LRRC1: variants seen among roughly 807,000 people sequenced by gnomAD.
The protein encoded by LRRC1 is leucine-rich repeat-containing protein 1.
Under a neutral mutation model 69.9 loss-of-function variants are expected in LRRC1, and 28 were observed. The observed-to-expected ratio is 0.40, with a 90% CI of 0.30 to 0.55. The LOEUF (loss-of-function observed/expected upper bound fraction) is 0.55, where lower values mean the gene tolerates loss of function less well. Ranked by LOEUF, LRRC1 falls within the 20% of genes least tolerant of loss-of-function variation. LRRC1 has a pLI of 0.47. For missense variants in LRRC1, 498 were observed against 609.0 expected (o/e 0.82, Z 1.92); for synonymous variants, 236 against 240.2 (o/e 0.98, Z 0.16).
chr6:53,900,202 T>C (rs1469355965), intron 8 of LRRC1, among the ~76,000 whole-genome samples: 1 of 151,556 alleles, frequency 6.6e-6, no homozygotes, highest in Non-Finnish European at 1.5e-5. Flanking sequence ...CACGCCCGGG[T>C]AATTTTTTGT....
intron 1 of LRRC1, among the ~76,000 whole-genome samples, chr6:53,826,573 T>A (rs1193160327): frequency 6.6e-6 from 1 of 152,174 alleles, no homozygotes; most frequent in African/African-American, 2.4e-5. Context: ...TTTACTCAAC[T>A]CAGAGCAACT....
intron 1 of LRRC1, among the ~76,000 whole-genome samples, chr6:53,837,188 A>G (rs1401065271): frequency 9.8e-6 from 1 of 102,380 alleles, no homozygotes; most frequent in Non-Finnish European, 2.2e-5. Flanking sequence ...ATTTTTATAT[A>G]TATATTCTGG....
intron 2 of LRRC1, among the ~76,000 whole-genome samples, chr6:53,859,292 A>G (rs1027876024): frequency 6.6e-6 from 1 of 152,298 alleles, no homozygotes; most frequent in South Asian, 2.1e-4. Context: ...TGTTTCTCCC[A>G]AGTGGGCTCT....
At chr6:53,856,834 G>C (rs1394596620) in intron 2 of LRRC1, among the ~76,000 whole-genome samples, 2 of 152,174 alleles carry the variant, frequency 1.3e-5, no homozygotes, top group Non-Finnish European at 2.9e-5. Flanking sequence ...TGGGAGGCCA[G>C]GCATCTATGT....
Position 53,902,679 on chromosome 6 carries a change from C to G in LRRC1, c.838C>G (p.Gln280Glu), listed in dbSNP as rs79785688. ...ILKVDQNRLT[Q>E]LPEAVGECES... ...GAAGGTGGATCAGAATAGACTCACACAGTTGCCTGAAGCAGTTGGGGAATG... is the reference window on the plus strand; with the variant it reads ...GAAGGTGGATCAGAATAGACTCACAGAGTTGCCTGAAGCAGTTGGGGAATG... Residue 280 changes from glutamine to glutamate, a missense_variant, in exon 9 of 14, where the codon CAG becomes GAG. By Grantham distance (29) the Gln-to-Glu change is conservative. This residue lies in a region of LRRC1 where 266 missense variants were observed against 383.9 expected (regional missense o/e 0.69). Coordinates refer to ENST00000370888, the MANE Select transcript of LRRC1 (RefSeq NM_018214.5). The G allele has an allele frequency of 2.2e-4, 347 of 1,613,496 alleles. 2 individuals carry two copies. The East Asian group carries it at 7.7e-3, about 36-fold the overall frequency.
chr6:53,919,265 T>C (rs916693615), intron 11 of LRRC1: 8 of 163,678 alleles, frequency 4.9e-5, no homozygotes, highest in Admixed American at 8.7e-5. Context: ...TGCTCTGTAA[T>C]CTGGAGGTTC....
chr6:53,918,656 C>T (rs1461528270), intron 11 of LRRC1, among the ~76,000 whole-genome samples: 1 of 152,122 alleles, frequency 6.6e-6, no homozygotes, highest in Admixed American at 6.5e-5. Context: ...AAGTAGATTT[C>T]CTGCTAATGT....
rs937049128 is a variant in LRRC1 at position 53,795,096 on chromosome 6, A to G, written c.-161A>G. The G allele has an allele frequency of 9.7e-6, 6 of 620,304 alleles. No individual in the cohort carries two copies. The highest frequency in any genetic ancestry group is 3.1e-5 in the East Asian group (1 of 31,794). 38.4% of individuals were successfully genotyped at this position (620,304 alleles called of 1,614,324 possible). On this transcript the variant is annotated 5_prime_UTR_variant, in exon 1 of 14. Transcript: ENST00000370888. ...GGGGCTCCCGCTCCAGGTTCCTTGA[A>G]GCACTTCCGACCGCGAAGCCCGGCG... is the stretch of plus-strand genomic sequence containing the variant.
intron 3 of LRRC1, among the ~76,000 whole-genome samples, chr6:53,882,408 C>G (rs1767322909): frequency 6.6e-6 from 1 of 152,124 alleles, no homozygotes; most frequent in African/African-American, 2.4e-5. Flanking sequence ...ATAGCTTTCC[C>G]CTGGGTATTA....
intron 2 of LRRC1, among the ~76,000 whole-genome samples, chr6:53,874,833 A>G (rs1292547592): frequency 6.6e-6 from 1 of 152,214 alleles, no homozygotes; most frequent in Non-Finnish European, 1.5e-5. Flanking sequence ...AACCTTTTAA[A>G]GGCCTAAAAG....
intron 1 of LRRC1, among the ~76,000 whole-genome samples, chr6:53,820,749 C>G (rs1262686228): frequency 1.3e-5 from 2 of 151,802 alleles, no homozygotes; most frequent in Admixed American, 6.6e-5. Flanking sequence ...TATAGAAGTC[C>G]CTTAGAAAAG....
At position 53,867,972 on chromosome 6, in the gene LRRC1, T is replaced by A. The variant is rs893672907; in HGVS notation, c.278-11021T>A. ...TGTCTTACCAAAAAAAAAAAAAAAATTTTTTTGTTTCACCTTATGTAAAAG... is the reference window on the plus strand; with the variant it reads ...TGTCTTACCAAAAAAAAAAAAAAAAATTTTTTGTTTCACCTTATGTAAAAG... On this transcript the variant is annotated intron_variant, in intron 2 of 13. Coordinates refer to ENST00000370888, the MANE Select transcript of LRRC1 (RefSeq NM_018214.5). Among the ~76,000 whole-genome samples the A allele has an allele frequency of 2.6e-3, 379 of 146,694 alleles. 1 individual carries two copies. The highest frequency in any genetic ancestry group is 6.1e-3 in the African/African-American group (247 of 40,200).
chr6:53,913,544 T>C (rs1273487965), intron 10 of LRRC1, among the ~76,000 whole-genome samples: 2 of 152,236 alleles, frequency 1.3e-5, no homozygotes, highest in Non-Finnish European at 2.9e-5. Context: ...ATTTAACAGA[T>C]GCAGTTGCGT....
intron 2 of LRRC1, among the ~76,000 whole-genome samples, chr6:53,860,448 C>G (rs1320507621): frequency 9.2e-5 from 14 of 152,140 alleles, no homozygotes; most frequent in Admixed American, 9.2e-4. Flanking sequence ...AGCTCTTAAG[C>G]TCTTTACAGT....
rs192721928 is a variant in LRRC1, at chr6:53,809,223, T to A, written c.159+13808T>A. Among the ~76,000 whole-genome samples the A allele has an allele frequency of 3.4e-3, 523 of 152,342 alleles. 1 individual carries two copies. Among genetic ancestry groups the A allele is most frequent in the Non-Finnish European group, 6.0e-3 (405 of 68,034 alleles). ...AAATCATTAGTCTTGACTGTAAAGG[T>A]CAGTATTATAAAGAGGCTCTAATGT... is the stretch of plus-strand genomic sequence containing the variant. On this transcript the variant is annotated intron_variant, in intron 1 of 13. Coordinates refer to ENST00000370888, the MANE Select transcript of LRRC1 (RefSeq NM_018214.5).
chr6:53,910,162 C>T (rs576529890), intron 10 of LRRC1, among the ~76,000 whole-genome samples: 1 of 152,268 alleles, frequency 6.6e-6, no homozygotes, highest in East Asian at 1.9e-4. Flanking sequence ...CACAAAATGG[C>T]TGGACAAAGA....
At chr6:53,853,016 A>G (rs1562044412) in intron 2 of LRRC1, among the ~76,000 whole-genome samples, 2 of 152,172 alleles carry the variant, frequency 1.3e-5, no homozygotes, top group African/African-American at 4.8e-5. Flanking sequence ...TGCATCAAAG[A>G]TGGTGCCTTG....
chr6:53,894,055 A>G (rs1426163704), intron 4 of LRRC1, among the ~76,000 whole-genome samples: 1 of 152,262 alleles, frequency 6.6e-6, no homozygotes, highest in Non-Finnish European at 1.5e-5. Flanking sequence ...ACTTATGTAT[A>G]TACCTAAAAC....
Position 53,795,211 on chromosome 6 carries a change from G to C in LRRC1, c.-46G>C, listed in dbSNP as rs768352877. ...GCCGGCCAGAGCGGGCTCGGAGCCCGGGTCTCCGCCGCTCGGGACCCGGCT... is the reference window on the plus strand; with the variant it reads ...GCCGGCCAGAGCGGGCTCGGAGCCCCGGTCTCCGCCGCTCGGGACCCGGCT... On this transcript the variant is annotated 5_prime_UTR_variant, in exon 1 of 14. Coordinates refer to ENST00000370888, the MANE Select transcript of LRRC1 (RefSeq NM_018214.5). The C allele has an allele frequency of 4.4e-5, 67 of 1,538,788 alleles. No homozygotes were observed. The highest frequency in any genetic ancestry group is 4.8e-5 in the South Asian group (4 of 82,524).
Sources: allele counts gnomAD v4.1 joint callset (sites outside exome capture counted in the v4.1 genomes callset), GRCh38; gene constraint gnomAD v4.1.1; regional missense constraint gnomAD v4.1.1; transcripts MANE v1.5; gene names NCBI Gene and HGNC (gene_info 2026-07-23, HGNC 2026-07-21).